MICU2: variants seen among roughly 807,000 people sequenced by gnomAD.
The protein encoded by MICU2 is calcium uptake protein 2, mitochondrial.
A neutral mutation model predicts 60.4 loss-of-function variants in MICU2; 64 were observed. That is an observed-to-expected ratio of 1.06 (90% CI 0.87 to 1.31). The LOEUF is 1.31. Among genes scored for constraint, MICU2 ranks in the 50% most tolerant of loss-of-function variants. MICU2 has a pLI of 0.00. For synonymous variants in MICU2, 201 were observed against 175.0 expected (o/e 1.15, Z -1.17); for missense variants, 569 against 531.0 (o/e 1.07, Z -0.70).
At chr13:21,573,634 T>C (rs1593351728) in intron 1 of MICU2, among the ~76,000 whole-genome samples, 1 of 152,084 alleles carries the variant, frequency 6.6e-6, no homozygotes, top group African/African-American at 2.4e-5. Context: ...CAGGGGAAAC[T>C]GATCCGTTTT....
chr13:21,513,993 T>TAC (rs1286547018), intron 7 of MICU2, among the ~76,000 whole-genome samples: 21 of 152,130 alleles, frequency 1.4e-4, no homozygotes, highest in Admixed American at 1.4e-3. Flanking sequence ...TCTACCTACA[T>TAC]ACTCCTGTGC....
At chr13:21,545,328 T>A (rs1385259908) in intron 2 of MICU2, among the ~76,000 whole-genome samples, 18 of 152,168 alleles carry the variant, frequency 1.2e-4, no homozygotes, top group Admixed American at 1.0e-3. Context: ...CTAAGTGAAA[T>A]CAAGCCAAGA....
rs562174880 is a variant in MICU2 at position 21,567,280 on chromosome 13, T to A, written c.211-336A>T. 2.6e-5 allele frequency among the ~76,000 whole-genome samples: 4 copies of A among 152,166 alleles called. No individual in the cohort carries two copies. In the South Asian group the frequency reaches 8.3e-4, roughly 32 times the overall value. The stretch of plus-strand genomic sequence containing the variant: ...AATACCATAAGATAGTCAGAGAAGG[T>A]CTTTCTGAAGAGGTAACACTTAGAG... On this transcript the variant is annotated intron_variant, in intron 1 of 11. Coordinates refer to ENST00000382374, the MANE Select transcript of MICU2 (RefSeq NM_152726.3).
At chr13:21,587,846 A>C (rs1186523661) in intron 1 of MICU2, among the ~76,000 whole-genome samples, 1 of 152,196 alleles carries the variant, frequency 6.6e-6, no homozygotes, top group Non-Finnish European at 1.5e-5. Flanking sequence ...AGATACTAAA[A>C]ACTAAATGTG....
intron 4 of MICU2, among the ~76,000 whole-genome samples, chr13:21,533,126 C>G (rs910495975): frequency 5.9e-5 from 9 of 151,958 alleles, no homozygotes; most frequent in African/African-American, 2.2e-4. Context: ...CTGTAAGATG[C>G]AGATGCAACA....
At chr13:21,602,745 A>T (rs1423423372) in intron 1 of MICU2, 2 of 152,210 alleles carry the variant, frequency 1.3e-5, no homozygotes, top group Non-Finnish European at 2.9e-5. Flanking sequence ...TTAACTCACA[A>T]GGCCTTCTTT....
At chr13:21,603,685 G>T (rs1000405153) in intron 1 of MICU2, 2 of 547,298 alleles carry the variant, frequency 3.7e-6, no homozygotes, top group Non-Finnish European at 6.4e-6. Flanking sequence ...TGTGGGCCGT[G>T]GTGTTCAGCG....
intron 7 of MICU2, among the ~76,000 whole-genome samples, chr13:21,513,846 A>G (rs997512888): frequency 6.6e-6 from 1 of 151,872 alleles, no homozygotes; most frequent in Non-Finnish European, 1.5e-5. Context: ...AAACAGAAAA[A>G]ATAATATAGA....
At chr13:21,564,531 CT>C (rs1464511414) in intron 2 of MICU2, among the ~76,000 whole-genome samples, 17 of 152,286 alleles carry the variant, frequency 1.1e-4, no homozygotes, top group African/African-American at 3.4e-4. Flanking sequence ...AGCTGTCAGT[CT>C]TTCAGTCGGA....
chr13:21,501,690 A>G (rs183493950), intron 9 of MICU2, among the ~76,000 whole-genome samples: 4 of 152,268 alleles, frequency 2.6e-5, no homozygotes, highest in African/African-American at 9.6e-5. Flanking sequence ...CCCTGCATTC[A>G]GGTGGGGTTA....
intron 2 of MICU2, among the ~76,000 whole-genome samples, chr13:21,550,644 A>G (rs534786789): frequency 5.3e-5 from 8 of 152,334 alleles, no homozygotes; most frequent in African/African-American, 1.9e-4. Flanking sequence ...AAAATATTTA[A>G]AAATCTAAAA....
At position 21,516,941 on chromosome 13, in the gene MICU2, TAG is replaced by T. The variant is rs1420293307; in HGVS notation, c.598-2525_598-2524del. 8.5e-5 allele frequency among the ~76,000 whole-genome samples: 13 copies of T among 152,296 alleles called. No homozygotes were observed. In the South Asian group the frequency reaches 2.1e-3, roughly 24 times the overall value. On this transcript the variant is annotated intron_variant, in intron 6 of 11. Coordinates refer to ENST00000382374, the MANE Select transcript of MICU2 (RefSeq NM_152726.3). ...ACAGACCTGTCATTAATCTACTGTT[TAG>T]AGAGATTGCACTAAAACCCTGGCAT...
At chr13:21,601,085 C>A (rs1420226013) in intron 1 of MICU2, among the ~76,000 whole-genome samples, 1 of 152,140 alleles carries the variant, frequency 6.6e-6, no homozygotes, top group African/African-American at 2.4e-5. Flanking sequence ...CGTGAGCCAC[C>A]AGGCCCGGCC....
Position 21,544,510 on chromosome 13 carries a change from A to G in MICU2, c.359-4822T>C, listed in dbSNP as rs1418019052. Among the ~76,000 whole-genome samples the G allele has an allele frequency of 9.4e-5, 11 of 117,082 alleles. No individual in the cohort carries two copies. The Admixed American group carries it at 1.1e-3, about 11-fold the overall frequency. The allele number at this position is 117,082 out of a possible 152,430, so 76.8% of individuals were successfully genotyped here. A position where few individuals can be genotyped will look rare whatever the true frequency, so the allele number is the denominator to read the frequency against. ...AGAACACATACAAAATGACCAATAA[A>G]CACATGAAAAAAAAAAAAAAAAAAC... On this transcript the variant is annotated intron_variant, in intron 2 of 11. Transcript: ENST00000382374.
intron 1 of MICU2, among the ~76,000 whole-genome samples, chr13:21,580,652 A>G (rs1888328407): frequency 7.0e-6 from 1 of 142,176 alleles, no homozygotes; most frequent in South Asian, 2.4e-4. Flanking sequence ...CTTTTAGTCT[A>G]AAATTAGTTT....
chr13:21,495,429 G>A, intron 10 of MICU2, 111 bp from the exon 11 acceptor site: 2 of 1,173,674 alleles, frequency 1.7e-6, no homozygotes, highest in East Asian at 2.6e-5. Flanking sequence ...TTTATTATTT[G>A]GGAAGTAAAA....
At chr13:21,535,356 G>A (rs1241789342) in intron 4 of MICU2, among the ~76,000 whole-genome samples, 1 of 151,758 alleles carries the variant, frequency 6.6e-6, no homozygotes, top group Non-Finnish European at 1.5e-5. Flanking sequence ...AGATAACTCA[G>A]TTTATATCCA....
chr13:21,495,083 T>A, intron 11 of MICU2, 78 bp downstream of exon 11: 1 of 1,126,176 alleles, frequency 8.9e-7, no homozygotes, highest in Non-Finnish European at 1.2e-6. Context: ...ATTTAAAGAC[T>A]GTACAATTGC....
intron 2 of MICU2, among the ~76,000 whole-genome samples, chr13:21,551,658 A>G: frequency 7.1e-6 from 1 of 139,918 alleles, no homozygotes; most frequent in African/African-American, 2.7e-5. Flanking sequence ...TCACTGTTCA[A>G]TTCCCACCTA....
Sources: allele counts gnomAD v4.1 joint callset (sites outside exome capture counted in the v4.1 genomes callset), GRCh38; gene constraint gnomAD v4.1.1; transcripts MANE v1.5; gene names NCBI Gene and HGNC (gene_info 2026-07-23, HGNC 2026-07-21).